CHST9: variants seen among roughly 807,000 people sequenced by gnomAD.
The protein encoded by CHST9 is carbohydrate sulfotransferase 9, also known as GalNAc-4-sulfotransferase 2.
Under a neutral mutation model 44.4 loss-of-function variants are expected in CHST9, and 41 were observed. That is an observed-to-expected ratio of 0.92 (90% CI 0.72 to 1.20). CHST9 has a LOEUF of 1.20. Ranked by LOEUF, CHST9 falls within the 50% of genes most tolerant of loss-of-function variation. The pLI is 0.00. For synonymous variants in CHST9, 171 were observed against 178.4 expected (o/e 0.96, Z 0.33); for missense variants, 504 against 516.5 (o/e 0.98, Z 0.23).
At chr18:27,080,277 CA>C (rs1255504918) in intron 2 of CHST9, among the ~76,000 whole-genome samples, 1 of 151,916 alleles carries the variant, frequency 6.6e-6, no homozygotes, top group African/African-American at 2.4e-5. Flanking sequence ...CGTATCTCCA[CA>C]AGGCAATATA....
intron 3 of CHST9, among the ~76,000 whole-genome samples, chr18:27,042,718 C>T (rs1010829523): frequency 3.3e-5 from 5 of 152,020 alleles, no homozygotes; most frequent in African/African-American, 1.2e-4. Context: ...AATAGTGGTT[C>T]AATAAACATC....
intron 1 of CHST9, among the ~76,000 whole-genome samples, chr18:27,178,952 A>T (rs1054125894): frequency 3.3e-5 from 5 of 152,122 alleles, no homozygotes; most frequent in Middle Eastern, 3.4e-3. Context: ...GGCATTAAAA[A>T]TATAAGCCTT....
chr18:27,007,435 T>C (rs1320609067), intron 4 of CHST9, among the ~76,000 whole-genome samples: 1 of 152,192 alleles, frequency 6.6e-6, no homozygotes, highest in African/African-American at 2.4e-5. Context: ...CAGGTAGCAC[T>C]AATGGCATAT....
At chr18:26,996,918 G>A (rs2056894168) in intron 4 of CHST9, among the ~76,000 whole-genome samples, 1 of 152,066 alleles carries the variant, frequency 6.6e-6, no homozygotes, top group Admixed American at 6.5e-5. Context: ...TTCCTCTATC[G>A]TCAGCAATAA....
At chr18:26,962,849 G>A (rs575084128) in intron 4 of CHST9, among the ~76,000 whole-genome samples, 19 of 152,314 alleles carry the variant, frequency 1.2e-4, no homozygotes, top group Non-Finnish European at 2.6e-4. Context: ...CTGGCAGGTG[G>A]TAGGTGATAG....
intron 1 of CHST9, among the ~76,000 whole-genome samples, chr18:27,153,120 G>C (rs988826850): frequency 6.6e-6 from 1 of 152,150 alleles, no homozygotes; most frequent in Non-Finnish European, 1.5e-5. Flanking sequence ...GCTCCTGTGT[G>C]TGGAAGTTAC....
chr18:27,008,323 C>T (rs1314532314), intron 4 of CHST9, among the ~76,000 whole-genome samples: 1 of 152,156 alleles, frequency 6.6e-6, no homozygotes, highest in East Asian at 1.9e-4. Context: ...GGAATGGTTA[C>T]TTCAGAGAAC....
At chr18:26,954,471 T>C (rs767010707) in intron 4 of CHST9, among the ~76,000 whole-genome samples, 20 of 152,160 alleles carry the variant, frequency 1.3e-4, no homozygotes, top group Non-Finnish European at 2.8e-4. Flanking sequence ...TTTCTTCATC[T>C]TGTAGGCCTT....
At chr18:26,941,323 A>G (rs1008452754) in intron 5 of CHST9, among the ~76,000 whole-genome samples, 1 of 152,206 alleles carries the variant, frequency 6.6e-6, no homozygotes, top group African/African-American at 2.4e-5. Flanking sequence ...CTGCACAAAC[A>G]CAAGGTATTA....
At chr18:27,135,273 C>T (rs1567931870) in intron 2 of CHST9, among the ~76,000 whole-genome samples, 1 of 152,126 alleles carries the variant, frequency 6.6e-6, no homozygotes, top group Non-Finnish European at 1.5e-5. Flanking sequence ...GGAACAAATA[C>T]TTGTTTGGGA....
At chr18:27,047,798 G>C (rs890146954) in intron 3 of CHST9, among the ~76,000 whole-genome samples, 6 of 152,066 alleles carry the variant, frequency 3.9e-5, no homozygotes, top group African/African-American at 1.2e-4. Context: ...GGCAATTTCT[G>C]GGCACTGTGA....
At chr18:27,125,102 ATG>A (rs1327597839) in intron 2 of CHST9, among the ~76,000 whole-genome samples, 2 of 152,170 alleles carry the variant, frequency 1.3e-5, no homozygotes, top group Non-Finnish European at 2.9e-5. Flanking sequence ...GCTACTAAAT[ATG>A]TCTTTCTTAG....
chr18:27,156,025 C>T (rs887058892), intron 1 of CHST9, among the ~76,000 whole-genome samples: 4 of 151,676 alleles, frequency 2.6e-5, no homozygotes, highest in South Asian at 2.1e-4. Context: ...TTATAAAAAA[C>T]GTGTGATTAA....
intron 2 of CHST9, among the ~76,000 whole-genome samples, chr18:27,074,289 C>T (rs906289816): frequency 7.2e-5 from 11 of 152,120 alleles, no homozygotes; most frequent in African/African-American, 2.7e-4. Context: ...TTCTTTTCTT[C>T]TTTATTATTT....
In CHST9 at chr18:26,944,211, CAT is replaced by C. The variant is rs1282171024; in HGVS notation, c.240+116_240+117del. On this transcript the variant is annotated intron_variant, in intron 5 of 5. Coordinates refer to ENST00000618847, the MANE Select transcript of CHST9 (RefSeq NM_031422.6). Reference sequence around the variant, plus strand: ...ATGTTTTTTTCCCCAGAACCAATAACATATATATTGCTCATAACTAACAGCTA... The same window carrying C: ...ATGTTTTTTTCCCCAGAACCAATAACATATATTGCTCATAACTAACAGCTA... 5.2e-6 allele frequency: 4 copies of C among 770,382 alleles called. No homozygotes were observed. The Admixed American group carries it at 9.0e-5, about 17-fold the overall frequency. 47.7% of individuals were successfully genotyped at this position (770,382 alleles called of 1,614,324 possible). A position where few individuals can be genotyped will look rare whatever the true frequency, so the allele number is the denominator to read the frequency against.
intron 1 of CHST9, among the ~76,000 whole-genome samples, chr18:27,172,016 A>C (rs1479620694): frequency 2.6e-5 from 4 of 152,188 alleles, no homozygotes; most frequent in Admixed American, 2.0e-4. Context: ...TTCTGTTTGC[A>C]GGGAATTCAA....
At chr18:27,109,549 C>G (rs566346635) in intron 2 of CHST9, among the ~76,000 whole-genome samples, 4 of 152,314 alleles carry the variant, frequency 2.6e-5, no homozygotes, top group African/African-American at 9.6e-5. Flanking sequence ...CAACTGAGAT[C>G]TGTGTTTATG....
At chr18:27,093,835 T>TG (rs540395716) in intron 2 of CHST9, among the ~76,000 whole-genome samples, 128 of 151,530 alleles carry the variant, frequency 8.4e-4, no homozygotes, top group African/African-American at 2.4e-3. Flanking sequence ...TCAATCACAC[T>TG]GGGAACTGCA....
intron 2 of CHST9, among the ~76,000 whole-genome samples, chr18:27,059,394 C>G (rs1470589265): frequency 6.6e-6 from 1 of 152,120 alleles, no homozygotes. Flanking sequence ...TTAAAATAGT[C>G]TTATTTTCCC....
Sources: gnomAD v4.1 joint callset for allele counts (sites outside exome capture counted in the v4.1 genomes callset) on GRCh38, gnomAD v4.1.1 for gene constraint, MANE v1.5 for transcripts, NCBI Gene and HGNC (gene_info 2026-07-23, HGNC 2026-07-21) for gene names.